Variants in RAB23 observed in about 807,000 individuals in gnomAD.
RAB23 encodes the protein RAB23, member RAS oncogene family.
RAB23 carries 15 observed loss-of-function variants against 30.0 expected under a neutral mutation model. That is an observed-to-expected ratio of 0.50 (90% CI 0.33 to 0.77). RAB23 has a LOEUF of 0.77. Among genes scored for constraint, RAB23 ranks in the 30% least tolerant of loss-of-function variants. RAB23 has a pLI of 0.02. For missense variants in RAB23, 243 were observed against 275.4 expected (o/e 0.88, Z 0.83); for synonymous variants, 93 against 94.0 (o/e 0.99, Z 0.06).
intron 5 of RAB23, among the ~76,000 whole-genome samples, 154 bp from the exon 6 acceptor site, chr6:57,194,088 A>G (rs1159234348): frequency 1.3e-5 from 2 of 152,142 alleles, no homozygotes; most frequent in Non-Finnish European, 2.9e-5. Context: ...TTTAAAAATT[A>G]TTTGGGCAGT....
At chr6:57,201,453 G>A (rs567793743) in intron 3 of RAB23, among the ~76,000 whole-genome samples, 372 of 149,846 alleles carry the variant, frequency 2.5e-3, no homozygotes, top group African/African-American at 8.5e-3. Context: ...AAGAGAGAAG[G>A]ATACCAAAAG....
intron 3 of RAB23, among the ~76,000 whole-genome samples, chr6:57,200,703 G>A (rs553440791): frequency 2.0e-5 from 3 of 152,030 alleles, no homozygotes; most frequent in African/African-American, 4.8e-5. Flanking sequence ...AAGCTGTTAC[G>A]TATTTCCAGC....
chr6:57,206,837 A>C (rs1003227212), intron 3 of RAB23, among the ~76,000 whole-genome samples: 1 of 152,234 alleles, frequency 6.6e-6, no homozygotes, highest in African/African-American at 2.4e-5. Context: ...TAGAAGGGAT[A>C]ATCAGTATAT....
At chr6:57,203,190 G>A (rs1453093833) in intron 3 of RAB23, among the ~76,000 whole-genome samples, 1 of 151,926 alleles carries the variant, frequency 6.6e-6, no homozygotes, top group African/African-American at 2.4e-5. Flanking sequence ...ATTTTTAGTA[G>A]AGACGTGGTT....
rs9357940 is a variant in RAB23 at position 57,195,022 on chromosome 6, T to G, written c.399-170A>C. On this transcript the variant is annotated intron_variant, in intron 4 of 6. Transcript: ENST00000468148. ...TTCTTTTTAAAAGAGCTTGATATAA[T>G]TTCCCAGTTAAGTAAAATCAGTTGA... 0.12 allele frequency among the ~76,000 whole-genome samples: 18,125 copies of G among 152,196 alleles called. 1,323 individuals are homozygous for G. Among genetic ancestry groups the G allele is most frequent in the African/African-American group, 0.19 (8,019 of 41,528 alleles).
chr6:57,200,166 C>T (rs534276879), intron 3 of RAB23, among the ~76,000 whole-genome samples: 104 of 151,468 alleles, frequency 6.9e-4, no homozygotes, highest in African/African-American at 2.4e-3. Context: ...CTGCACAACT[C>T]TGAACTCCCT....
chr6:57,193,944 A>C lies in RAB23; in HGVS notation c.482-10T>G. 2 of 1,609,960 alleles carry C rather than the reference A, an allele frequency of 1.2e-6. No individual in the cohort carries two copies. Among genetic ancestry groups the C allele is most frequent in the Non-Finnish European group, 1.7e-6 (2 of 1,177,468 alleles). On this transcript the variant is annotated splice_polypyrimidine_tract_variant and intron_variant, in intron 5 of 6. Transcript: ENST00000468148. ...GCCAAATACTTAAAAACTAGAATAAAAAGAAAACACCCAGAACCAGGTCAA... is the reference window on the plus strand; with the variant it reads ...GCCAAATACTTAAAAACTAGAATAACAAGAAAACACCCAGAACCAGGTCAA...
intron 3 of RAB23, among the ~76,000 whole-genome samples, chr6:57,203,098 C>T (rs1765331937): frequency 6.7e-6 from 1 of 149,902 alleles, no homozygotes; most frequent in Admixed American, 6.7e-5. Flanking sequence ...CCTCTGCCTC[C>T]TGGGTTCAAG....
At chr6:57,194,277 T>C (rs376200839) in intron 5 of RAB23, among the ~76,000 whole-genome samples, 124 of 152,110 alleles carry the variant, frequency 8.2e-4, no homozygotes, top group Non-Finnish European at 1.5e-3. Context: ...GTATCCAAAA[T>C]AGACATCCAA....
rs1278352541 is a variant in RAB23, at chr6:57,210,295, T to C, written c.86A>G (p.Tyr29Cys). The change falls in exon 2 of 7, where the codon TAT (tyrosine) becomes TGT (cysteine). Residue 29 changes from tyrosine to cysteine, a missense_variant. By Grantham distance (194) the Tyr-to-Cys change is radical. Transcript: ENST00000468148. ...AVGKSSMIQR[Y>C]CKGIFTKDYK... ...GTCTTTTGTAAAAATGCCTTTGCAATATCGCTGAATCATACTTGATTTTCC... is the reference window on the plus strand; with the variant it reads ...GTCTTTTGTAAAAATGCCTTTGCAACATCGCTGAATCATACTTGATTTTCC... The C allele has an allele frequency of 9.9e-6, 16 of 1,613,990 alleles. No individual in the cohort carries two copies. Among genetic ancestry groups the C allele is most frequent in the Non-Finnish European group, 1.4e-5 (16 of 1,179,842 alleles).
chr6:57,218,193 G>C (rs544202232), intron 1 of RAB23, among the ~76,000 whole-genome samples: 65 of 152,202 alleles, frequency 4.3e-4, no homozygotes, highest in African/African-American at 1.4e-3. Context: ...ATAGAGACGA[G>C]GAAACACTTC....
Position 57,187,868 on chromosome 6 carries a change from A to AAAG in RAB23, c.*2590_*2592dup, listed in dbSNP as rs1378272145. The AAAG allele has an allele frequency of 6.6e-6, 1 of 151,998 alleles. No homozygotes were observed. Among genetic ancestry groups the AAAG allele is most frequent in the Non-Finnish European group, 1.5e-5 (1 of 68,024 alleles). The allele number at this position is 151,998 out of a possible 1,614,324, so 9.4% of individuals were successfully genotyped here. On this transcript the variant is annotated 3_prime_UTR_variant, in exon 7 of 7. Transcript: ENST00000468148. ...TTGGTAGTTTTAGCTTTATTTTGAA[A>AAAG]AAGTAACGTGTGCTATCAACTTTGG...
At position 57,218,003 on chromosome 6, in the gene RAB23, A is replaced by G. The variant is rs1379117864; in HGVS notation, c.-66+3723T>C. ...AAAATGAACCAAATTTTTGAAAAGT[A>G]TAAACGACCATAATTCACCCAATAT... is the stretch of plus-strand genomic sequence containing the variant. On this transcript the variant is annotated intron_variant, in intron 1 of 6. Transcript: ENST00000468148. Among the ~76,000 whole-genome samples, 3 of 152,228 alleles carry G rather than the reference A, an allele frequency of 2.0e-5. No individual in the cohort carries two copies. In the East Asian group the frequency reaches 5.8e-4, roughly 29 times the overall value.
intron 1 of RAB23, among the ~76,000 whole-genome samples, chr6:57,218,476 G>T (rs551790128): frequency 6.6e-5 from 10 of 152,280 alleles, no homozygotes; most frequent in African/African-American, 2.4e-4. Context: ...AATTGATGCA[G>T]AAGAAATATT....
intron 3 of RAB23, 84 bp from the exon 4 acceptor site, chr6:57,196,690 A>G (rs2127998760): frequency 6.5e-7 from 1 of 1,528,784 alleles, no homozygotes; most frequent in African/African-American, 1.4e-5. Flanking sequence ...AATCTCATGA[A>G]GAATGGGGGC....
intron 2 of RAB23, among the ~76,000 whole-genome samples, chr6:57,210,019 GA>G (rs930780392): frequency 8.7e-6 from 1 of 114,956 alleles, no homozygotes; most frequent in African/African-American, 3.2e-5. Context: ...AGTAGAAAAA[GA>G]AAAAAAAATG....
At chr6:57,201,582 T>G (rs750685016) in intron 3 of RAB23, among the ~76,000 whole-genome samples, 2 of 152,318 alleles carry the variant, frequency 1.3e-5, no homozygotes, top group South Asian at 2.1e-4. Context: ...AAACCTGGTA[T>G]AAAAACGTTC....
At chr6:57,216,229 G>C (rs1397832148) in intron 1 of RAB23, among the ~76,000 whole-genome samples, 1 of 152,164 alleles carries the variant, frequency 6.6e-6, no homozygotes, top group Non-Finnish European at 1.5e-5. Context: ...GTCTGTGTAA[G>C]TACATTTTAG....
chr6:57,218,690 A>G (rs1340683331), intron 1 of RAB23, among the ~76,000 whole-genome samples: 2 of 152,052 alleles, frequency 1.3e-5, no homozygotes, highest in East Asian at 3.9e-4. Context: ...GTCTCTACCA[A>G]AAATACAAAA....
Sources: allele counts gnomAD v4.1 joint callset (sites outside exome capture counted in the v4.1 genomes callset), GRCh38; gene constraint gnomAD v4.1.1; transcripts MANE v1.5; gene names NCBI Gene and HGNC (gene_info 2026-07-23, HGNC 2026-07-21).